FHL1: variants seen among roughly 807,000 people sequenced by gnomAD.
The protein encoded by FHL1 is four and a half LIM domains protein 1.
Under a neutral mutation model 20.3 loss-of-function variants are expected in FHL1, and 1 was observed. That is an observed-to-expected ratio of 0.05 (90% confidence interval 0.02 to 0.23). The LOEUF (loss-of-function observed/expected upper bound fraction) is 0.23. Ranked by LOEUF, FHL1 falls within the 10% of genes least tolerant of loss-of-function variation. The probability of loss-of-function intolerance (pLI) is 1.00; values close to 1 mark genes in which losing one functional copy is unlikely to be tolerated. For missense variants in FHL1, 177 were observed against 234.0 expected (o/e 0.76, Z 1.59); for synonymous variants, 82 against 88.9 (o/e 0.92, Z 0.44).
upstream of FHL1, chrX:136,147,021 G>A (rs2072112116): frequency 3.4e-6 from 1 of 290,028 alleles, no homozygotes; most frequent in African/African-American, 2.8e-5. Flanking sequence ...AGGTTAGCGA[G>A]GACCCCGGTG....
intron 1 of FHL1, among the ~76,000 whole-genome samples, chrX:136,156,195 C>A (rs773788384): frequency 1.2e-4 from 13 of 111,238 alleles, no homozygotes; most frequent in Non-Finnish European, 1.9e-4. Context: ...TAATAAATAT[C>A]TCTTGTAAGC....
At chrX:136,175,282 T>C (rs1452210023) in intron 2 of FHL1, among the ~76,000 whole-genome samples, 1 of 112,718 alleles carries the variant, frequency 8.9e-6, no homozygotes, top group Non-Finnish European at 1.9e-5. Flanking sequence ...AGGCACACTT[T>C]TACTAAGTTA....
At chrX:136,203,940 G>C (rs896580396) in intron 1 of FHL1, among the ~76,000 whole-genome samples, 1 of 112,117 alleles carries the variant, frequency 8.9e-6, no homozygotes, top group African/African-American at 3.2e-5. Flanking sequence ...CTTTAACTTA[G>C]AAATATTTGG....
At chrX:136,193,095 A>C (rs1860922200), upstream of FHL1, among the ~76,000 whole-genome samples, 1 of 110,823 alleles carries the variant, frequency 9.0e-6, no homozygotes, top group African/African-American at 3.3e-5. Flanking sequence ...AAAAAAAAAA[A>C]AACAACTGGA....
At chrX:136,200,079 A>G (rs2073669518) in intron 1 of FHL1, among the ~76,000 whole-genome samples, 1 of 112,299 alleles carries the variant, frequency 8.9e-6, no homozygotes, top group Admixed American at 9.4e-5. Context: ...AGCATGTTGG[A>G]TGTAGTTCAA....
At chrX:136,165,453 T>G (rs953686886), upstream of FHL1, among the ~76,000 whole-genome samples, 2 of 111,848 alleles carry the variant, frequency 1.8e-5, no homozygotes, top group African/African-American at 6.5e-5. Flanking sequence ...GCATAAGTAT[T>G]TGAATAAAAG....
Position 136,152,126 on chromosome X carries a change from T to C in FHL1, c.-101+4498T>C, listed in dbSNP as rs182421007. ...CATACTTGGAGTAAGTGACAAGGAG[T>C]AGGGGAAAAGGGAACCAACATTAAT... On this transcript the variant is annotated intron_variant, in intron 1 of 7. Coordinates refer to the FHL1 transcript ENST00000394155. 2.9e-3 allele frequency among the ~76,000 whole-genome samples: 325 copies of C among 110,794 alleles called. 2 individuals carry two copies. The highest frequency in any genetic ancestry group is 1.0e-2 in the African/African-American group (304 of 30,445).
chrX:136,197,964 C>G (rs2073602481), intron 1 of FHL1, among the ~76,000 whole-genome samples: 2 of 76,510 alleles, frequency 2.6e-5, no homozygotes, highest in African/African-American at 4.6e-5. Flanking sequence ...ATGTCATTAT[C>G]TATGTTTTTT....
chrX:136,198,325 T>C (rs145092226), intron 1 of FHL1, among the ~76,000 whole-genome samples: 2,212 of 111,911 alleles, frequency 0.02, 25 homozygotes, highest in Non-Finnish European at 0.031. Flanking sequence ...TCATTTTGTT[T>C]ACTAATTAAG....
chrX:136,164,353 C>T (rs1429170420), intron 1 of FHL1, among the ~76,000 whole-genome samples: 2 of 108,924 alleles, frequency 1.8e-5, no homozygotes, highest in Non-Finnish European at 3.8e-5. Context: ...ATTACAGGCA[C>T]GCACCACCAT....
upstream of FHL1, among the ~76,000 whole-genome samples, chrX:136,196,603 A>G (rs1363944186): frequency 1.8e-5 from 2 of 111,791 alleles, no homozygotes; most frequent in Admixed American, 9.5e-5. Context: ...CTTAATCTCT[A>G]TATTCATACT....
intron 2 of FHL1, among the ~76,000 whole-genome samples, chrX:136,189,214 C>G (rs147858307): frequency 5.4e-4 from 61 of 112,084 alleles, no homozygotes; most frequent in African/African-American, 1.9e-3. Context: ...CAAGACTGGA[C>G]AGGTGACCTA....
At chrX:136,154,761 C>CA (rs1187180729) in intron 1 of FHL1, among the ~76,000 whole-genome samples, 14 of 108,626 alleles carry the variant, frequency 1.3e-4, no homozygotes, top group African/African-American at 4.7e-4. Flanking sequence ...GGCTGGAGTG[C>CA]AGTGGCGCTC....
In FHL1 at chrX:136,207,706, T is replaced by G. The variant is rs989339826; in HGVS notation, c.380-86T>G. 56 of 1,045,007 alleles carry G rather than the reference T, an allele frequency of 5.4e-5. No individual in the cohort carries two copies. The African/African-American group carries it at 8.8e-4, about 16-fold the overall frequency. 86.1% of individuals were successfully genotyped at this position (1,045,007 alleles called of 1,213,427 possible). A position where few individuals can be genotyped will look rare whatever the true frequency, so the allele number is the denominator to read the frequency against. ...ACTGCAGGGCCTGCATCCCCTCACC[T>G]CTGGAGGGCCTGGGGAGGGGAGCTG... On this transcript the variant is annotated intron_variant, in intron 3 of 5. Transcript: ENST00000370683.
At chrX:136,185,927 A>C (rs1396321989) in intron 2 of FHL1, among the ~76,000 whole-genome samples, 1 of 111,964 alleles carries the variant, frequency 8.9e-6, no homozygotes, top group Admixed American at 9.5e-5. Context: ...ATCGTCCAGA[A>C]GGGCTTGTGC....
exon 1 of FHL1, chrX:136,169,666 G>A (rs2072807402): frequency 6.1e-5 from 18 of 293,451 alleles, no homozygotes; most frequent in South Asian, 5.0e-4. Flanking sequence ...AGCTAATACG[G>A]CTTGATAATG....
At chrX:136,173,696 C>CT (rs971227072) in intron 2 of FHL1, among the ~76,000 whole-genome samples, 1,002 of 94,879 alleles carry the variant, frequency 0.011, 16 homozygotes, top group African/African-American at 0.03. Context: ...TGTTTCTTTT[C>CT]TTTTTTTTTT....
chrX:136,206,180 C>T, intron 1 of FHL1: 1 of 457,565 alleles, frequency 2.2e-6, no homozygotes, highest in Non-Finnish European at 3.8e-6. Context: ...CAGGGAATCA[C>T]TAGCCATCGG....
upstream of FHL1, chrX:136,196,956 G>T (rs2073570942): frequency 3.8e-6 from 4 of 1,050,743 alleles, no homozygotes; most frequent in African/African-American, 1.8e-5. Context: ...TGGGATTAAG[G>T]TTGTGATCTC....
Sources: gnomAD v4.1 joint callset for allele counts (sites outside exome capture counted in the v4.1 genomes callset) on GRCh38, gnomAD v4.1.1 for gene constraint, MANE v1.5 for transcripts, NCBI Gene and HGNC (gene_info 2026-07-23, HGNC 2026-07-21) for gene names.